Variants in CACNA1H observed in about 807,000 individuals in gnomAD.
The protein encoded by CACNA1H is calcium voltage-gated channel subunit alpha1 H, also known as voltage-dependent T-type calcium channel subunit alpha-1H.
CACNA1H carries 149 observed loss-of-function variants against 192.5 expected under a neutral mutation model. That is an observed-to-expected ratio of 0.77 (90% CI 0.68 to 0.89). The LOEUF is 0.89. CACNA1H is among the 40% of genes least tolerant of loss of function. The pLI is 0.00. For synonymous variants in CACNA1H, 2,202 were observed against 1,475.2 expected (o/e 1.49, Z -11.29); for missense variants, 4,257 against 3,423.5 (o/e 1.24, Z -6.08).
chr16:1,163,040 G>A (rs765489881), intron 2 of CACNA1H, among the ~76,000 whole-genome samples: 3 of 152,232 alleles, frequency 2.0e-5, no homozygotes, highest in African/African-American at 7.2e-5. Context: ...CCTTGGGCTC[G>A]TCTGACTCTG....
Position 1,209,079 on chromosome 16 carries a change from C to T in CACNA1H, c.3411C>T (p.Ala1137=), listed in dbSNP as rs1307971452. Residue 1137 remains alanine (A), a synonymous_variant, in exon 17 of 35, where the codon GCC becomes GCT. Coordinates refer to ENST00000348261, the MANE Select transcript of CACNA1H (RefSeq NM_021098.3). ...GTGCCCCCTGGGGCCCCAGTGGCGC[C>T]TGGAGCAGCCGGCGCTCCAGCTGGA... ...SPCAPWGPSG[A]WSSRRSSWSS... is the part of the protein sequence containing the mutation. 1 of 1,544,828 alleles carries T rather than the reference C, an allele frequency of 6.5e-7. No individual in the cohort carries two copies. The highest frequency in any genetic ancestry group is 2.4e-5 in the East Asian group (1 of 41,654).
In CACNA1H at chr16:1,221,751, A is replaced by G; in HGVS notation, c.*757A>G. 6.4e-7 allele frequency: 1 copy of G among 1,557,746 alleles called. No homozygotes were observed. Among genetic ancestry groups the G allele is most frequent in the Non-Finnish European group, 8.7e-7 (1 of 1,148,654 alleles). On this transcript the variant is annotated 3_prime_UTR_variant, in exon 35 of 35. Transcript: ENST00000348261. ...AGGGAGGGGGCGGAGCGGAATAAATAGTAACTTATTTAAGAAATGCACTTG... is the reference window on the plus strand; with the variant it reads ...AGGGAGGGGGCGGAGCGGAATAAATGGTAACTTATTTAAGAAATGCACTTG...
At chr16:1,197,246 A>G (rs1967090529) in intron 5 of CACNA1H, among the ~76,000 whole-genome samples, 1 of 152,216 alleles carries the variant, frequency 6.6e-6, no homozygotes, top group Admixed American at 6.5e-5. Flanking sequence ...ATAGTGCAGT[A>G]CAGGAGTAAC....
chr16:1,199,655 G>C (rs1424707390), intron 6 of CACNA1H, among the ~76,000 whole-genome samples: 2 of 148,548 alleles, frequency 1.3e-5, no homozygotes, highest in Non-Finnish European at 3.0e-5. Context: ...CTCACCCCGG[G>C]GTCCCCTCAA....
chr16:1,185,500 GT>G (rs1367376014), intron 2 of CACNA1H, among the ~76,000 whole-genome samples: 6 of 140,504 alleles, frequency 4.3e-5, no homozygotes, highest in African/African-American at 1.5e-4. Context: ...CATCTGCAGA[GT>G]CCCCCCCCCC....
chr16:1,185,245 C>T (rs980124573), intron 2 of CACNA1H, among the ~76,000 whole-genome samples: 5 of 152,226 alleles, frequency 3.3e-5, no homozygotes, highest in South Asian at 2.1e-4. Context: ...CGTTTGTTCA[C>T]GGGTCTGTTG....
chr16:1,195,778 C>T, intron 4 of CACNA1H, 148 bp from the exon 5 acceptor site: 3 of 857,964 alleles, frequency 3.5e-6, no homozygotes, highest in East Asian at 2.6e-5. Context: ...TGTGCTCCTG[C>T]TACCTCGGGG....
rs747790419 is a variant in CACNA1H, at chr16:1,212,152, G to A, written c.4759+14G>A. 47 of 1,589,806 alleles carry A rather than the reference G, an allele frequency of 3.0e-5. No individual in the cohort carries two copies. The highest frequency in any genetic ancestry group is 2.2e-4 in the Middle Eastern group (1 of 4,558). On this transcript the variant is annotated intron_variant, in intron 25 of 34. Transcript: ENST00000348261. ...GGAGGCGCAGGAGTAAGGCGCTCCCGGTGGCGGTGGCGGTGGCGGGTCGGT... is the reference window on the plus strand; with the variant it reads ...GGAGGCGCAGGAGTAAGGCGCTCCCAGTGGCGGTGGCGGTGGCGGGTCGGT...
At chr16:1,153,618 C>CA in intron 1 of CACNA1H, 102 bp from the exon 2 acceptor site, 2 of 710,112 alleles carry the variant, frequency 2.8e-6, no homozygotes, top group South Asian at 1.4e-4. Context: ...TAAGAAAAGA[C>CA]AAAGACATCC....
chr16:1,207,605 G>A (rs1027231301), intron 14 of CACNA1H, among the ~76,000 whole-genome samples, 165 bp from the exon 15 acceptor site: 11 of 152,114 alleles, frequency 7.2e-5, no homozygotes, highest in East Asian at 1.9e-4. Context: ...GGGGTCGGTC[G>A]GGAGAGGCAG....
rs564284142 is a variant in CACNA1H, at chr16:1,187,226, G to C, written c.300-7746G>C. Among the ~76,000 whole-genome samples the C allele has an allele frequency of 2.0e-5, 3 of 152,360 alleles. No homozygotes were observed. The East Asian group carries it at 5.8e-4, about 29-fold the overall frequency. ...GGGAGGGGAGGAGGCGGCCAGCGCC[G>C]CGTGGGGCCGTGGGCAGAGCGGACA... is the stretch of plus-strand genomic sequence containing the variant. On this transcript the variant is annotated intron_variant, in intron 2 of 34. Transcript: ENST00000348261.
In CACNA1H at chr16:1,200,252, C is replaced by G. The variant is rs905366458; in HGVS notation, c.804-4C>G. ...CTTTTGGCCCTGGCTGTGCCCATCC[C>G]CAGGAACAACAACCTGACCTTCCTG... On this transcript the variant is annotated splice_region_variant and splice_polypyrimidine_tract_variant and intron_variant, in intron 6 of 34. Coordinates refer to ENST00000348261, the MANE Select transcript of CACNA1H (RefSeq NM_021098.3). 3 of 1,591,800 alleles carry G rather than the reference C, an allele frequency of 1.9e-6. No homozygotes were observed. Among genetic ancestry groups the G allele is most frequent in the Non-Finnish European group, 2.6e-6 (3 of 1,168,226 alleles).
In CACNA1H at chr16:1,210,436, C is replaced by T. The variant is rs763935378; in HGVS notation, c.3912C>T (p.Ile1304=). ...TTGATCACGTGGTCCTCGTCTTCAT[C>T]TTCCTCAACTGCGTCACCATCGCCC... ...KMFDHVVLVF[I]FLNCVTIALE... The change falls in exon 19 of 35, where the codon ATC becomes ATT. Residue 1304 remains isoleucine (I), a synonymous_variant. Transcript: ENST00000348261. 2 of 1,554,438 alleles carry T rather than the reference C, an allele frequency of 1.3e-6. No individual in the cohort carries two copies. Among genetic ancestry groups the T allele is most frequent in the South Asian group, 1.1e-5 (1 of 90,174 alleles).
chr16:1,204,084 C>G lies in CACNA1H; in HGVS notation c.2077C>G (p.Leu693Val), dbSNP rs747000483. The change falls in exon 10 of 35, where the codon CTG becomes GTG. Residue 693 changes from leucine (L) to valine (V), a missense_variant. Transcript: ENST00000348261. ...CPLPSPPAGT[L>V]TCELKSCPYC... ...CCTGCCCAGCCCCCCAGCGGGCACA[C>G]TGACCTGTGAGCTGAAGAGCTGCCC... The G allele has an allele frequency of 2.5e-6, 4 of 1,608,290 alleles. No individual in the cohort carries two copies. The highest frequency in any genetic ancestry group is 1.7e-5 in the Admixed American group (1 of 59,630).
At position 1,209,336 on chromosome 16, in the gene CACNA1H, C is replaced by A; in HGVS notation, c.3668C>A (p.Ala1223Asp). ...CGCGATCGCGACGGGCAGGTGGTGG[C>A]CCTGCCCAGCGACTTCTTCCTGCGC... ...KCRDRDGQVVALPSDFFLRID... is the reference protein window; with the variant it reads ...KCRDRDGQVVDLPSDFFLRID... The change falls in exon 17 of 35, where the codon GCC becomes GAC. Residue 1223 changes from alanine (A) to aspartate (D), a missense_variant. Ala to Asp is a moderately radical substitution (Grantham distance 126). Coordinates refer to ENST00000348261, the MANE Select transcript of CACNA1H (RefSeq NM_021098.3). 6.3e-7 allele frequency: 1 copy of A among 1,597,936 alleles called. No individual in the cohort carries two copies. Among genetic ancestry groups the A allele is most frequent in the Non-Finnish European group, 8.5e-7 (1 of 1,179,430 alleles).
At chr16:1,219,434 C>A (rs1467172632) in intron 34 of CACNA1H, among the ~76,000 whole-genome samples, 3 of 151,850 alleles carry the variant, frequency 2.0e-5, no homozygotes, top group African/African-American at 7.3e-5. Flanking sequence ...CCGTGGTGGG[C>A]AGACAGCAGT....
In CACNA1H at chr16:1,221,446, G is replaced by C; in HGVS notation, c.*452G>C. 9.1e-6 allele frequency: 3 copies of C among 330,124 alleles called. No homozygotes were observed. Among genetic ancestry groups the C allele is most frequent in the Admixed American group, 4.7e-5 (1 of 21,404 alleles). 20.4% of individuals were successfully genotyped at this position (330,124 alleles called of 1,614,324 possible). On this transcript the variant is annotated 3_prime_UTR_variant, in exon 35 of 35. Transcript: ENST00000348261. The stretch of plus-strand genomic sequence containing the variant: ...ACCTTCACTCACAGTCTGAGTTCTT[G>C]TCCGCCTGTCACGCCCTCACCACCC...
rs371991860 is a variant in CACNA1H, at chr16:1,201,639, C to G, written c.1213-24C>G. ...TCAGAGACTCGCTCACTCACTGCCACTTACCCGCCCGCCCCCGTCACAGGT... is the reference window on the plus strand; with the variant it reads ...TCAGAGACTCGCTCACTCACTGCCAGTTACCCGCCCGCCCCCGTCACAGGT... On this transcript the variant is annotated intron_variant, in intron 8 of 34. Coordinates refer to ENST00000348261, the MANE Select transcript of CACNA1H (RefSeq NM_021098.3). The G allele has an allele frequency of 3.2e-6, 5 of 1,544,362 alleles. No individual in the cohort carries two copies. The South Asian group carries it at 3.7e-5, about 12-fold the overall frequency.
At chr16:1,191,989 G>A (rs1314962963) in intron 2 of CACNA1H, among the ~76,000 whole-genome samples, 2 of 152,274 alleles carry the variant, frequency 1.3e-5, no homozygotes, top group East Asian at 1.9e-4. Context: ...GCCAGGCTTA[G>A]CTCGGGAGGC....
Sources: gnomAD v4.1 joint callset for allele counts (sites outside exome capture counted in the v4.1 genomes callset) on GRCh38, gnomAD v4.1.1 for gene constraint, MANE v1.5 for transcripts, NCBI Gene and HGNC (gene_info 2026-07-23, HGNC 2026-07-21) for gene names.